LTBP2: variants seen among roughly 807,000 people sequenced by gnomAD.
LTBP2 encodes latent transforming growth factor beta binding protein 2.
A neutral mutation model predicts 210.6 loss-of-function variants in LTBP2; 103 were observed. That is an observed-to-expected ratio of 0.49 (90% confidence interval 0.42 to 0.58). LTBP2 has a LOEUF of 0.58. Ranked by LOEUF, LTBP2 falls within the 20% of genes least tolerant of loss-of-function variation. The probability of loss-of-function intolerance (pLI) is 0.00; values close to 1 mark genes in which losing one functional copy is unlikely to be tolerated. For synonymous variants in LTBP2, 1,007 were observed against 1,015.0 expected (o/e 0.99, Z 0.15); for missense variants, 2,313 against 2,494.5 (o/e 0.93, Z 1.55).
At chr14:74,516,443 C>A (rs1458595059) in intron 18 of LTBP2, among the ~76,000 whole-genome samples, 2 of 147,452 alleles carry the variant, frequency 1.4e-5, no homozygotes, top group African/African-American at 5.0e-5. Flanking sequence ...TATGGCCCAG[C>A]CCTCAGGAGC....
chr14:74,565,699 G>A (rs1029794172), intron 3 of LTBP2, among the ~76,000 whole-genome samples: 1 of 152,158 alleles, frequency 6.6e-6, no homozygotes, highest in Admixed American at 6.5e-5. Flanking sequence ...CACAGTTGGG[G>A]CTGGGAGGAG....
At position 74,527,352 on chromosome 14, in the gene LTBP2, C is replaced by G. The variant is rs769959093; in HGVS notation, c.2383G>C (p.Gly795Arg). 1 of 1,611,648 alleles carries G rather than the reference C, an allele frequency of 6.2e-7. No individual in the cohort carries two copies. Among genetic ancestry groups the G allele is most frequent in the South Asian group, 1.1e-5 (1 of 90,378 alleles). ...TAGTGGGAGGACGCACTCACCTGGC[C>G]AGCCTGAGAGTCACCTGGAAGGGAA... ...TIPDKGDSQA[G>R]QVTTSVTHAP... The change falls in exon 13 of 36, where the codon GGC (glycine) becomes CGC (arginine). Residue 795 changes from glycine to arginine, a missense_variant. Physicochemically the swap from Gly to Arg is moderately radical, Grantham distance 125. Coordinates refer to ENST00000261978, the MANE Select transcript of LTBP2 (RefSeq NM_000428.3).
At chr14:74,610,749 C>T (rs2088594154) in intron 1 of LTBP2, among the ~76,000 whole-genome samples, 2 of 152,204 alleles carry the variant, frequency 1.3e-5, no homozygotes. Context: ...CAGGGTTGTG[C>T]GGTGGCTTAG....
chr14:74,604,164 C>CAAAAAAAAA (rs59313477), intron 1 of LTBP2, among the ~76,000 whole-genome samples: 3 of 72,732 alleles, frequency 4.1e-5, no homozygotes, highest in Admixed American at 1.8e-4. Context: ...TGCCTCTCAC[C>CAAAAAAAAA]AAAAAAAAAA....
chr14:74,593,525 G>T (rs956689163), intron 2 of LTBP2, among the ~76,000 whole-genome samples: 1 of 152,228 alleles, frequency 6.6e-6, no homozygotes, highest in South Asian at 2.1e-4. Context: ...GCACCTGGAC[G>T]TGGGTGTACT....
rs372439724 is a variant in LTBP2 at position 74,506,215 on chromosome 14, G to A, written c.4034-24C>T. ...ATCTGCCAGGTGTGAGAACAGGCTC[G>A]TGGGCAGAAAAGAGGCAGCCCGTGC... On this transcript the variant is annotated intron_variant, in intron 27 of 35. Transcript: ENST00000261978. 4.3e-5 allele frequency: 70 copies of A among 1,613,826 alleles called. No homozygotes were observed. The East Asian group carries it at 7.4e-4, about 17-fold the overall frequency.
chr14:74,607,042 G>A lies in LTBP2; in HGVS notation c.495-3337C>T, dbSNP rs550619769. On this transcript the variant is annotated intron_variant, in intron 1 of 35. Transcript: ENST00000261978. Reference sequence around the variant, plus strand: ...AGTCTAACACAGTGCCCAACATGTGGTATACAATTGATACTTGTTTCATTT... The same window carrying A: ...AGTCTAACACAGTGCCCAACATGTGATATACAATTGATACTTGTTTCATTT... Among the ~76,000 whole-genome samples the A allele has an allele frequency of 2.6e-5, 4 of 152,230 alleles. No individual in the cohort carries two copies. The South Asian group carries it at 6.2e-4, about 24-fold the overall frequency.
intron 8 of LTBP2, among the ~76,000 whole-genome samples, chr14:74,544,953 C>G (rs2087559104): frequency 6.6e-6 from 1 of 152,172 alleles, no homozygotes; most frequent in Non-Finnish European, 1.5e-5. Flanking sequence ...AAGCCTACAC[C>G]CTTCTCCCTA....
intron 3 of LTBP2, among the ~76,000 whole-genome samples, chr14:74,582,066 C>T (rs2088144051): frequency 6.7e-6 from 1 of 149,888 alleles, no homozygotes; most frequent in Non-Finnish European, 1.5e-5. Context: ...GTCACCCCAG[C>T]TGGAGTGCAA....
intron 1 of LTBP2, 78 bp from the exon 2 acceptor site, chr14:74,603,783 C>T (rs1375501895): frequency 8.2e-7 from 1 of 1,219,698 alleles, no homozygotes; most frequent in Non-Finnish European, 1.2e-6. Flanking sequence ...GACAGTCCCA[C>T]CTTCTAGAGG....
chr14:74,527,684 C>A (rs1429484185), intron 12 of LTBP2, among the ~76,000 whole-genome samples: 1 of 152,204 alleles, frequency 6.6e-6, no homozygotes, highest in Non-Finnish European at 1.5e-5. Flanking sequence ...GACCTGTCCA[C>A]CCCATCCATT....
chr14:74,524,022 G>A (rs1269275879), intron 15 of LTBP2, among the ~76,000 whole-genome samples: 1 of 152,138 alleles, frequency 6.6e-6, no homozygotes, highest in Non-Finnish European at 1.5e-5. Context: ...CCAGAGGGGT[G>A]AGGTTACAGA....
rs2086883731 is a variant in LTBP2 at position 74,499,156 on chromosome 14, T to C, written c.*1728A>G. 9.3e-6 allele frequency: 2 copies of C among 215,032 alleles called. No homozygotes were observed. The highest frequency in any genetic ancestry group is 1.9e-5 in the Non-Finnish European group (2 of 106,432). 13.3% of individuals were successfully genotyped at this position (215,032 alleles called of 1,614,324 possible). The stretch of plus-strand genomic sequence containing the variant: ...TTGCCAGCTAGGAGTCTTAACAAGC[T>C]TTTTGATCTTTGCCAATCTGACAGT... On this transcript the variant is annotated 3_prime_UTR_variant, in exon 36 of 36. Transcript: ENST00000261978.
Position 74,507,179 on chromosome 14 carries a change from C to A in LTBP2, c.3907G>T (p.Asp1303Tyr), listed in dbSNP as rs371854639. ...CTCTCTCTCCTCCCTCCCTACTCAC[C>A]AATGCAGTCTCCGTTCGGGGCCATG... ...FHMAPNGDCI[D>Y]IDECANDTMC... The change falls in exon 26 of 36, where the codon GAC becomes TAC. Residue 1303 changes from aspartate (D) to tyrosine (Y), a missense_variant and splice_region_variant. This residue lies in a region of LTBP2 where 1,867 missense variants were observed against 1,976.9 expected (regional missense o/e 0.94). Transcript: ENST00000261978. The A allele has an allele frequency of 6.2e-7, 1 of 1,614,156 alleles. No individual in the cohort carries two copies. The highest frequency in any genetic ancestry group is 8.5e-7 in the Non-Finnish European group (1 of 1,180,008).
intron 3 of LTBP2, among the ~76,000 whole-genome samples, chr14:74,580,332 AT>A (rs1300599334): frequency 6.6e-6 from 1 of 152,146 alleles, no homozygotes; most frequent in Admixed American, 6.5e-5. Context: ...GTCTTTGTAG[AT>A]GTTGTTAGGT....
intron 3 of LTBP2, among the ~76,000 whole-genome samples, chr14:74,579,565 G>A (rs751572463): frequency 6.6e-6 from 1 of 152,218 alleles, no homozygotes; most frequent in Non-Finnish European, 1.5e-5. Context: ...GTTCTGCTCT[G>A]AGGTAGGGAG....
intron 3 of LTBP2, among the ~76,000 whole-genome samples, chr14:74,571,701 C>T (rs2087980980): frequency 6.6e-6 from 1 of 152,138 alleles, no homozygotes; most frequent in Non-Finnish European, 1.5e-5. Flanking sequence ...GAGAGGATAC[C>T]GCCAGACCCC....
chr14:74,529,189 G>T, intron 10 of LTBP2, 67 bp from the exon 11 acceptor site: 1 of 1,530,000 alleles, frequency 6.5e-7, no homozygotes. Flanking sequence ...AGCTGGGAGG[G>T]CAGTGGATGG....
At chr14:74,523,219 C>T (rs1193585607) in intron 15 of LTBP2, among the ~76,000 whole-genome samples, 3 of 152,110 alleles carry the variant, frequency 2.0e-5, no homozygotes, top group African/African-American at 7.2e-5. Context: ...CCTAGCCCCA[C>T]CCCGAAAATG....
Sources: allele counts gnomAD v4.1 joint callset (sites outside exome capture counted in the v4.1 genomes callset), GRCh38; gene constraint gnomAD v4.1.1; regional missense constraint gnomAD v4.1.1; transcripts MANE v1.5; gene names NCBI Gene and HGNC (gene_info 2026-07-23, HGNC 2026-07-21).